IGF1R: variants seen among roughly 807,000 people sequenced by gnomAD.
The protein encoded by IGF1R is insulin like growth factor 1 receptor.
A neutral mutation model predicts 144.6 loss-of-function variants in IGF1R; 44 were observed. The observed-to-expected ratio is 0.30, with a 90% CI of 0.24 to 0.39. IGF1R has a LOEUF of 0.39. IGF1R is among the 10% of genes least tolerant of loss of function. The pLI, the probability that IGF1R is intolerant of heterozygous loss-of-function variation, is 1.00. For missense variants in IGF1R, 1,355 were observed against 1,833.7 expected (o/e 0.74, Z 4.77); for synonymous variants, 795 against 722.8 (o/e 1.10, Z -1.60).
intron 2 of IGF1R, among the ~76,000 whole-genome samples, chr15:98,830,826 A>C (rs2056988891): frequency 6.6e-6 from 1 of 151,380 alleles, no homozygotes; most frequent in Non-Finnish European, 1.5e-5. Flanking sequence ...CTGATCTTGA[A>C]CTCCTGACCT....
At chr15:98,946,468 A>G (rs908622005) in intron 19 of IGF1R, among the ~76,000 whole-genome samples, 1 of 152,092 alleles carries the variant, frequency 6.6e-6, no homozygotes, top group African/African-American at 2.4e-5. Flanking sequence ...GTTGTAACCA[A>G]AGGAGAGGTG....
At chr15:98,708,271 G>A (rs1171764302) in intron 2 of IGF1R, among the ~76,000 whole-genome samples, 164 bp downstream of exon 2, 1 of 152,208 alleles carries the variant, frequency 6.6e-6, no homozygotes, top group Non-Finnish European at 1.5e-5. Context: ...CCCAGTGGGG[G>A]TCTTGGTTGG....
chr15:98,665,546 C>T (rs191172752), intron 1 of IGF1R, among the ~76,000 whole-genome samples: 30 of 152,260 alleles, frequency 2.0e-4, no homozygotes, highest in African/African-American at 6.5e-4. Flanking sequence ...AGCCTGGTCA[C>T]GAGCATGAGG....
intron 2 of IGF1R, among the ~76,000 whole-genome samples, chr15:98,832,646 CAA>C (rs1449819472): frequency 2.0e-5 from 3 of 152,138 alleles, no homozygotes; most frequent in African/African-American, 7.2e-5. Context: ...TCTAGAAAAA[CAA>C]ATTTAAGTTA....
intron 2 of IGF1R, among the ~76,000 whole-genome samples, chr15:98,783,455 A>T (rs1368679008): frequency 6.6e-6 from 1 of 152,204 alleles, no homozygotes; most frequent in Non-Finnish European, 1.5e-5. Flanking sequence ...TTCCTTATAG[A>T]TTCATTCAGG....
At chr15:98,939,179 A>T (rs2016271678) in intron 17 of IGF1R, 22 bp from the exon 18 acceptor site, 1 of 1,610,656 alleles carries the variant, frequency 6.2e-7, no homozygotes. Flanking sequence ...TTCTCATGTG[A>T]ATTTTTTTAA....
At chr15:98,719,503 A>G (rs1317936563) in intron 2 of IGF1R, among the ~76,000 whole-genome samples, 1 of 152,214 alleles carries the variant, frequency 6.6e-6, no homozygotes, top group African/African-American at 2.4e-5. Flanking sequence ...CTGGGTGCCA[A>G]AGGTGGGTGA....
At chr15:98,672,141 G>A (rs2052908877) in intron 1 of IGF1R, among the ~76,000 whole-genome samples, 1 of 152,252 alleles carries the variant, frequency 6.6e-6, no homozygotes, top group East Asian at 1.9e-4. Flanking sequence ...TTGGGCACAC[G>A]TTTCATTTTT....
At chr15:98,943,198 T>C in intron 19 of IGF1R, 146 bp downstream of exon 19, 1 of 912,210 alleles carries the variant, frequency 1.1e-6, no homozygotes, top group Non-Finnish European at 1.8e-6. Context: ...CACTTCTTCA[T>C]CATTGAGGTG....
At chr15:98,749,360 A>G (rs1385901830) in intron 2 of IGF1R, among the ~76,000 whole-genome samples, 2 of 152,144 alleles carry the variant, frequency 1.3e-5, no homozygotes, top group East Asian at 3.9e-4. Context: ...TGGTGACCCA[A>G]AGTGATTTGG....
At chr15:98,836,651 A>G (rs569299750) in intron 2 of IGF1R, among the ~76,000 whole-genome samples, 6 of 152,278 alleles carry the variant, frequency 3.9e-5, no homozygotes, top group East Asian at 1.9e-4. Flanking sequence ...ACCATGGACT[A>G]TTTGAATTTC....
chr15:98,721,597 G>C (rs2054248250), intron 2 of IGF1R, among the ~76,000 whole-genome samples: 1 of 152,180 alleles, frequency 6.6e-6, no homozygotes. Context: ...AGAGACAAAA[G>C]AGGTCTTCTC....
intron 2 of IGF1R, among the ~76,000 whole-genome samples, chr15:98,751,087 G>A (rs931354026): frequency 7.9e-5 from 12 of 152,112 alleles, no homozygotes; most frequent in African/African-American, 2.9e-4. Context: ...CATCATGCCC[G>A]GCCTTCTTCT....
At chr15:98,799,137 C>T (rs2056309796) in intron 2 of IGF1R, among the ~76,000 whole-genome samples, 2 of 152,026 alleles carry the variant, frequency 1.3e-5, no homozygotes, top group South Asian at 4.1e-4. Flanking sequence ...AGAGTGGGAC[C>T]AGAGAATATT....
In IGF1R at chr15:98,717,691, G is replaced by A. The variant is rs571012018; in HGVS notation, c.640+9584G>A. ...TGAATTTATTTTGTTTGCAAGTTTGGTATTTGGGAGCATTTAAGAAATATC... is the reference window on the plus strand; with the variant it reads ...TGAATTTATTTTGTTTGCAAGTTTGATATTTGGGAGCATTTAAGAAATATC... On this transcript the variant is annotated intron_variant, in intron 2 of 20. Coordinates refer to ENST00000650285, the MANE Select transcript of IGF1R (RefSeq NM_000875.5). Among the ~76,000 whole-genome samples, 5 of 152,230 alleles carry A rather than the reference G, an allele frequency of 3.3e-5. No homozygotes were observed. The East Asian group carries it at 9.7e-4, about 29-fold the overall frequency.
intron 1 of IGF1R, among the ~76,000 whole-genome samples, chr15:98,700,842 C>T (rs1327018487): frequency 6.6e-6 from 1 of 152,088 alleles, no homozygotes; most frequent in Non-Finnish European, 1.5e-5. Flanking sequence ...GAGAAGTCTT[C>T]CTGACCTCCT....
chr15:98,654,270 C>T (rs918940060), intron 1 of IGF1R, among the ~76,000 whole-genome samples: 4 of 152,092 alleles, frequency 2.6e-5, no homozygotes, highest in Non-Finnish European at 5.9e-5. Context: ...GCGGCACTGT[C>T]TTCTTTATAA....
chr15:98,845,588 T>TTCTCTCTTCTC (rs1357989551), intron 2 of IGF1R, among the ~76,000 whole-genome samples: 2 of 146,666 alleles, frequency 1.4e-5, no homozygotes, highest in African/African-American at 5.0e-5. Context: ...TCTCTCTTCT[T>TTCTCTCTTCTC]TCTCTCTTCT....
intron 6 of IGF1R, among the ~76,000 whole-genome samples, chr15:98,910,550 T>C (rs935461026): frequency 1.3e-5 from 2 of 152,242 alleles, no homozygotes; most frequent in African/African-American, 2.4e-5. Flanking sequence ...GTCAGAGAGC[T>C]CTGGGTCTCC....
Sources: allele counts gnomAD v4.1 joint callset (sites outside exome capture counted in the v4.1 genomes callset), GRCh38; gene constraint gnomAD v4.1.1; transcripts MANE v1.5; gene names NCBI Gene and HGNC (gene_info 2026-07-23, HGNC 2026-07-21).